Variants in PIBF1 observed in about 807,000 individuals in gnomAD.
PIBF1 encodes the protein progesterone-induced-blocking factor 1.
PIBF1 carries 90 observed loss-of-function variants against 112.5 expected under a neutral mutation model. The ratio of observed to expected loss-of-function variants is 0.80; its 90% CI spans 0.67 to 0.95. PIBF1 has a LOEUF of 0.95. Ranked by LOEUF, PIBF1 falls within the 40% of genes least tolerant of loss-of-function variation. The pLI, the probability that PIBF1 is intolerant of heterozygous loss-of-function variation, is 0.00. For missense variants in PIBF1, 915 were observed against 852.3 expected, an observed-to-expected ratio of 1.07 and a Z score of -0.92; for synonymous variants, 301 against 288.6, an observed-to-expected ratio of 1.04 and a Z score of -0.44.
chr13:72,929,307 T>C (rs2041631435), intron 13 of PIBF1, among the ~76,000 whole-genome samples: 1 of 152,102 alleles, frequency 6.6e-6, no homozygotes, highest in Non-Finnish European at 1.5e-5. Context: ...TAAGGCTTAT[T>C]TTATTTGTAG....
At chr13:72,954,849 C>T (rs2042399416) in intron 14 of PIBF1, among the ~76,000 whole-genome samples, 1 of 152,142 alleles carries the variant, frequency 6.6e-6, no homozygotes, top group Non-Finnish European at 1.5e-5. Context: ...TCTACACATA[C>T]TTTGTTTTTC....
chr13:72,788,077 AT>A (rs1259329728), intron 2 of PIBF1, among the ~76,000 whole-genome samples: 1 of 152,182 alleles, frequency 6.6e-6, no homozygotes, highest in Non-Finnish European at 1.5e-5. Flanking sequence ...TGAAAAATAA[AT>A]TTTCCTCACT....
intron 13 of PIBF1, among the ~76,000 whole-genome samples, chr13:72,922,670 A>C (rs1267603449): frequency 6.6e-6 from 1 of 151,668 alleles, no homozygotes. Flanking sequence ...CTTCATAATA[A>C]AAAAAAATAA....
intron 10 of PIBF1, among the ~76,000 whole-genome samples, chr13:72,862,805 A>C (rs529085529): frequency 6.6e-6 from 1 of 152,338 alleles, no homozygotes; most frequent in South Asian, 2.1e-4. Context: ...CAAAGAAGGA[A>C]AGAATCAAAG....
intron 5 of PIBF1, among the ~76,000 whole-genome samples, chr13:72,817,361 T>G (rs1257914383): frequency 6.6e-6 from 1 of 152,240 alleles, no homozygotes; most frequent in Non-Finnish European, 1.5e-5. Context: ...TTATCCCATT[T>G]ACTGTGATGT....
rs540609195 is a variant in PIBF1, at chr13:72,898,712, G to T, written c.1488+4763G>T. Among the ~76,000 whole-genome samples, 4 of 150,804 alleles carry T rather than the reference G, an allele frequency of 2.7e-5. No individual in the cohort carries two copies. The East Asian group carries it at 8.0e-4, about 30-fold the overall frequency. On this transcript the variant is annotated intron_variant, in intron 11 of 17. Coordinates refer to ENST00000326291, the MANE Select transcript of PIBF1 (RefSeq NM_006346.4). ...AAAAAAAAAAAATAAAGCCGGGCATGTGGCTCATGCCTGTAATCCCAGCTA... is the reference window on the plus strand; with the variant it reads ...AAAAAAAAAAAATAAAGCCGGGCATTTGGCTCATGCCTGTAATCCCAGCTA...
At chr13:72,850,146 A>G (rs2038065437) in intron 9 of PIBF1, among the ~76,000 whole-genome samples, 1 of 152,198 alleles carries the variant, frequency 6.6e-6, no homozygotes, top group South Asian at 2.1e-4. Context: ...AAGGTGTGGT[A>G]CTTGATAAGG....
At chr13:72,942,072 A>T (rs1009513074) in intron 14 of PIBF1, among the ~76,000 whole-genome samples, 1 of 152,068 alleles carries the variant, frequency 6.6e-6, no homozygotes, top group Non-Finnish European at 1.5e-5. Context: ...TCTGCCTCTA[A>T]CAACTGCTAG....
intron 14 of PIBF1, among the ~76,000 whole-genome samples, chr13:72,957,881 G>A (rs1301003468): frequency 6.6e-6 from 1 of 152,092 alleles, no homozygotes; most frequent in Non-Finnish European, 1.5e-5. Flanking sequence ...GAACCTGGGA[G>A]GCAGAGGTTG....
At chr13:72,837,994 A>G (rs1380171440) in intron 9 of PIBF1, among the ~76,000 whole-genome samples, 1 of 152,170 alleles carries the variant, frequency 6.6e-6, no homozygotes, top group Middle Eastern at 3.2e-3. Context: ...CCAGCCCTAC[A>G]TTAGAAAGGA....
In PIBF1 at chr13:72,800,330, C is replaced by G. The variant is rs2035407078; in HGVS notation, c.672+2304C>G. Among the ~76,000 whole-genome samples the G allele has an allele frequency of 2.6e-5, 4 of 152,254 alleles. 1 individual carries two copies. In the South Asian group the frequency reaches 8.3e-4, roughly 31 times the overall value. On this transcript the variant is annotated intron_variant, in intron 5 of 17. Coordinates refer to ENST00000326291, the MANE Select transcript of PIBF1 (RefSeq NM_006346.4). ...GGATTACAGGCGTGAGCCACTGCAC[C>G]TGGCCAAACAGGATGTAGTAAACAA...
Position 72,981,266 on chromosome 13 carries a change from A to T in PIBF1, c.2049+7591A>T, listed in dbSNP as rs191296021. ...GACTCTGTCTCAAAAAAAATAAAAT[A>T]AAATAAAATAAATAAATAAATAAAA... On this transcript the variant is annotated intron_variant, in intron 16 of 17. Coordinates refer to ENST00000326291, the MANE Select transcript of PIBF1 (RefSeq NM_006346.4). 4.3e-3 allele frequency among the ~76,000 whole-genome samples: 655 copies of T among 151,082 alleles called. 10 individuals are homozygous for T. Among genetic ancestry groups the T allele is most frequent in the African/African-American group, 0.015 (608 of 41,342 alleles).
At chr13:72,783,872 G>C (rs1593868740) in intron 2 of PIBF1, 151 bp downstream of exon 2, 8 of 829,436 alleles carry the variant, frequency 9.6e-6, no homozygotes, top group Non-Finnish European at 1.5e-5. Context: ...GGTGTTCATA[G>C]AAGTAGAGAA....
chr13:72,896,342 C>T (rs944106944), intron 11 of PIBF1, among the ~76,000 whole-genome samples: 6 of 152,140 alleles, frequency 3.9e-5, no homozygotes, highest in African/African-American at 1.4e-4. Context: ...AGAGAGCCTA[C>T]CCAAATGAGA....
At chr13:72,794,068 G>A (rs1183236269) in intron 3 of PIBF1, among the ~76,000 whole-genome samples, 2 of 152,164 alleles carry the variant, frequency 1.3e-5, no homozygotes, top group African/African-American at 4.8e-5. Flanking sequence ...AAAGGAGACT[G>A]AGAAGGAACC....
intron 5 of PIBF1, among the ~76,000 whole-genome samples, chr13:72,801,210 GTCTGACATGA>G (rs2035454487): frequency 1.3e-5 from 2 of 152,080 alleles, no homozygotes; most frequent in South Asian, 4.1e-4. Flanking sequence ...TTGGAAAGAG[GTCTGACATGA>G]TCTGACATGT....
chr13:72,914,371 A>G (rs2041010065), intron 12 of PIBF1, among the ~76,000 whole-genome samples: 1 of 152,084 alleles, frequency 6.6e-6, no homozygotes, highest in African/African-American at 2.4e-5. Flanking sequence ...ATAAACTCAT[A>G]TTAGAAAAAA....
intron 10 of PIBF1, among the ~76,000 whole-genome samples, chr13:72,871,694 C>T (rs1305085471): frequency 6.6e-6 from 1 of 152,182 alleles, no homozygotes; most frequent in African/African-American, 2.4e-5. Context: ...TAGGTTGGAG[C>T]TCACTTGCAC....
intron 10 of PIBF1, among the ~76,000 whole-genome samples, chr13:72,872,037 A>G (rs1327625954): frequency 6.6e-6 from 1 of 152,172 alleles, no homozygotes; most frequent in South Asian, 2.1e-4. Context: ...TAAATAGCCT[A>G]GGAGGTTATG....
Sources: allele counts gnomAD v4.1 joint callset (sites outside exome capture counted in the v4.1 genomes callset), GRCh38; gene constraint gnomAD v4.1.1; transcripts MANE v1.5; gene names NCBI Gene and HGNC (gene_info 2026-07-23, HGNC 2026-07-21).